Variants in ABLIM3 observed in about 807,000 individuals in gnomAD.
ABLIM3 encodes the protein actin binding LIM protein family member 3, also known as actin-binding LIM protein 3.
A neutral mutation model predicts 109.5 loss-of-function variants in ABLIM3; 61 were observed. The observed-to-expected ratio is 0.56, with a 90% CI of 0.45 to 0.69. The LOEUF is 0.69. Among genes scored for constraint, ABLIM3 ranks in the 30% least tolerant of loss-of-function variants. The pLI is 0.00. For missense variants in ABLIM3, 796 were observed against 889.5 expected (o/e 0.89, Z 1.34); for synonymous variants, 300 against 324.8 (o/e 0.92, Z 0.82).
At chr5:149,176,993 G>C (rs1755993403) in intron 2 of ABLIM3, 1 of 152,230 alleles carries the variant, frequency 6.6e-6, no homozygotes, top group Admixed American at 6.5e-5. Context: ...AGCTTTTCTT[G>C]TCCTCTTCTG....
chr5:149,188,839 C>G (rs1292460618), intron 3 of ABLIM3, among the ~76,000 whole-genome samples: 1 of 152,204 alleles, frequency 6.6e-6, no homozygotes, highest in East Asian at 1.9e-4. Context: ...TCTCAGCTGG[C>G]TTCTTTGCCA....
intron 2 of ABLIM3, among the ~76,000 whole-genome samples, chr5:149,173,345 G>T (rs182238080): frequency 6.6e-6 from 1 of 152,234 alleles, no homozygotes; most frequent in Non-Finnish European, 1.5e-5. Context: ...AGAATGGAGG[G>T]TGCTTGCAAC....
intron 3 of ABLIM3, among the ~76,000 whole-genome samples, chr5:149,195,591 G>T (rs1252801721): frequency 6.6e-6 from 1 of 152,164 alleles, no homozygotes; most frequent in Admixed American, 6.5e-5. Flanking sequence ...AGGTGGCTCT[G>T]GGGGTGGAGT....
intron 8 of ABLIM3, among the ~76,000 whole-genome samples, chr5:149,225,082 A>G (rs1486011394): frequency 6.6e-6 from 1 of 152,202 alleles, no homozygotes. Context: ...CAAAGGAGGA[A>G]CAGAGTGCCT....
chr5:149,201,355 T>C (rs1179060139), intron 5 of ABLIM3, among the ~76,000 whole-genome samples: 1 of 152,106 alleles, frequency 6.6e-6, no homozygotes. Flanking sequence ...AAAATTCCAT[T>C]AGCCTCCTGT....
At chr5:149,227,639 C>T (rs1761446118) in intron 8 of ABLIM3, among the ~76,000 whole-genome samples, 2 of 152,154 alleles carry the variant, frequency 1.3e-5, no homozygotes, top group Non-Finnish European at 2.9e-5. Context: ...GTGGCTTCTG[C>T]AGGGGGGCCC....
intron 3 of ABLIM3, among the ~76,000 whole-genome samples, chr5:149,193,685 G>C (rs898873117): frequency 1.3e-5 from 2 of 152,178 alleles, no homozygotes; most frequent in Non-Finnish European, 2.9e-5. Context: ...AAGAGGGCCT[G>C]TCCTACCAGA....
chr5:149,192,835 T>A (rs963234092), intron 3 of ABLIM3, among the ~76,000 whole-genome samples: 1 of 144,898 alleles, frequency 6.9e-6, no homozygotes, highest in Admixed American at 6.7e-5. Context: ...AAGAAAAAAA[T>A]AATCAGACCT....
chr5:149,192,484 C>T (rs1168699072), intron 3 of ABLIM3, among the ~76,000 whole-genome samples: 1 of 150,296 alleles, frequency 6.7e-6, no homozygotes, highest in Non-Finnish European at 1.5e-5. Context: ...TACAGAAACA[C>T]TCCACCTACG....
rs1754800331 is a variant in ABLIM3, at chr5:149,260,406, G to T, written c.*2002G>T. 6.6e-6 allele frequency: 1 copy of T among 152,490 alleles called. No homozygotes were observed. Among genetic ancestry groups the T allele is most frequent in the Non-Finnish European group, 1.5e-5 (1 of 67,998 alleles). The allele number at this position is 152,490 out of a possible 1,614,324, so 9.4% of individuals were successfully genotyped here. ...TTTGTTATTGTTGTTGGATATTTTT[G>T]TTTCCCATAAAAGCACATCATTTCA... On this transcript the variant is annotated 3_prime_UTR_variant, in exon 24 of 24. Coordinates refer to ENST00000309868, the MANE Select transcript of ABLIM3 (RefSeq NM_014945.5).
rs1019858808 is a variant in ABLIM3 at position 149,252,347 on chromosome 5, C to T, written c.1857+139C>T. 5.6e-6 allele frequency: 5 copies of T among 897,376 alleles called. No homozygotes were observed. The East Asian group carries it at 1.1e-4, about 20-fold the overall frequency. The allele number at this position is 897,376 out of a possible 1,614,324, so 55.6% of individuals were successfully genotyped here. A position where few individuals can be genotyped will look rare whatever the true frequency, so the allele number is the denominator to read the frequency against. On this transcript the variant is annotated intron_variant, in intron 22 of 23. Coordinates refer to ENST00000309868, the MANE Select transcript of ABLIM3 (RefSeq NM_014945.5). The stretch of plus-strand genomic sequence containing the variant: ...ACCCCAGGGGTCCTTTCAAGACCAA[C>T]ATTTCCTGTCCCTTCTTGGCCCACT...
intron 8 of ABLIM3, among the ~76,000 whole-genome samples, chr5:149,223,783 C>G (rs1416476288): frequency 1.3e-5 from 2 of 152,308 alleles, no homozygotes; most frequent in East Asian, 3.9e-4. Flanking sequence ...GGTGGGGAGA[C>G]AGAGACGGAC....
intron 2 of ABLIM3, among the ~76,000 whole-genome samples, chr5:149,160,447 G>A (rs1754249402): frequency 7.3e-6 from 1 of 137,344 alleles, no homozygotes; most frequent in Non-Finnish European, 1.6e-5. Flanking sequence ...GACAGAGTGA[G>A]TGAGACTCCG....
chr5:149,210,424 T>C (rs1341264341), intron 6 of ABLIM3, among the ~76,000 whole-genome samples: 2 of 152,190 alleles, frequency 1.3e-5, no homozygotes, highest in African/African-American at 4.8e-5. Flanking sequence ...CAAATGTTAG[T>C]GGCTATTAGT....
At chr5:149,201,881 A>G (rs1369209228) in intron 5 of ABLIM3, among the ~76,000 whole-genome samples, 3 of 152,062 alleles carry the variant, frequency 2.0e-5, no homozygotes, top group Non-Finnish European at 4.4e-5. Flanking sequence ...GCATGCTGCA[A>G]AGCAGTCATG....
At chr5:149,239,318 G>T in intron 12 of ABLIM3, 41 bp downstream of exon 12, 5 of 1,604,928 alleles carry the variant, frequency 3.1e-6, no homozygotes, top group Non-Finnish European at 4.3e-6. Context: ...ATATAATTGT[G>T]CCCCTTTATG....
intron 8 of ABLIM3, among the ~76,000 whole-genome samples, chr5:149,224,741 G>A (rs1761003258): frequency 6.6e-6 from 1 of 152,168 alleles, no homozygotes; most frequent in South Asian, 2.1e-4. Context: ...CCCTGACATA[G>A]GCGGACACCG....
At chr5:149,169,434 A>T (rs549044933) in intron 2 of ABLIM3, among the ~76,000 whole-genome samples, 1 of 151,968 alleles carries the variant, frequency 6.6e-6, no homozygotes, top group African/African-American at 2.4e-5. Flanking sequence ...CCTTCCCAGG[A>T]CCCTCTCCCA....
At chr5:149,203,581 C>A (rs1758686003) in intron 5 of ABLIM3, among the ~76,000 whole-genome samples, 1 of 152,054 alleles carries the variant, frequency 6.6e-6, no homozygotes, top group Non-Finnish European at 1.5e-5. Flanking sequence ...ATGAACAACA[C>A]CACCATCACC....
Sources: gnomAD v4.1 joint callset for allele counts (sites outside exome capture counted in the v4.1 genomes callset) on GRCh38, gnomAD v4.1.1 for gene constraint, MANE v1.5 for transcripts, NCBI Gene and HGNC (gene_info 2026-07-23, HGNC 2026-07-21) for gene names.